The following AFG2A variants were observed in gnomAD, a reference collection of about 807,000 sequenced individuals.
The protein encoded by AFG2A is ATPase family gene 2 protein homolog A.
At chr4:123,220,623 A>AC in the AFG2A span, among the ~76,000 whole-genome samples, 1 of 151,160 alleles carries the variant, frequency 6.6e-6, no homozygotes, top group African/African-American at 2.4e-5. Flanking sequence ...CAAAAAAAAA[A>AC]AAAAAAAAAA....
chr4:123,209,859 CTG>C, the AFG2A span, among the ~76,000 whole-genome samples: 1 of 152,080 alleles, frequency 6.6e-6, no homozygotes, highest in East Asian at 1.9e-4. Context: ...CCCTTTATAA[CTG>C]TATCTCTTGT....
chr4:123,017,414 A>ATTTTTTTTTTTTTTTTTTTTTTTTTTTT, the AFG2A span, among the ~76,000 whole-genome samples: 4 of 74,732 alleles, frequency 5.4e-5, no homozygotes, highest in Non-Finnish European at 8.9e-5. Context: ...AGCATGGGAA[A>ATTTTTTTTTTTTTTTTTTTTTTTTTTTT]TTTTTTTTTT....
the AFG2A span, among the ~76,000 whole-genome samples, chr4:123,125,457 G>A: frequency 6.6e-6 from 1 of 152,060 alleles, no homozygotes. Context: ...AAAGTTAATT[G>A]TTCCATCTAG....
the AFG2A span, among the ~76,000 whole-genome samples, chr4:123,133,430 C>G: frequency 6.6e-6 from 1 of 151,938 alleles, no homozygotes; most frequent in African/African-American, 2.4e-5. Context: ...TGGTTACAGG[C>G]ATATGTGCCT....
At chr4:123,289,849 C>G in the AFG2A span, among the ~76,000 whole-genome samples, 1 of 151,922 alleles carries the variant, frequency 6.6e-6, no homozygotes, top group African/African-American at 2.4e-5. Context: ...AAATGTCCAT[C>G]TGTGTCCTTT....
At chr4:123,143,419 G>A in the AFG2A span, among the ~76,000 whole-genome samples, 22 of 151,932 alleles carry the variant, frequency 1.4e-4, no homozygotes, top group Admixed American at 3.3e-4. Flanking sequence ...GATAATTAAC[G>A]TATATCACAT....
At chr4:123,130,359 C>A in the AFG2A span, among the ~76,000 whole-genome samples, 1 of 152,124 alleles carries the variant, frequency 6.6e-6, no homozygotes, top group African/African-American at 2.4e-5. Context: ...TGGGTAACCA[C>A]CAACACAATC....
At chr4:122,927,469 T>C in the AFG2A span, among the ~76,000 whole-genome samples, 1 of 152,248 alleles carries the variant, frequency 6.6e-6, no homozygotes, top group African/African-American at 2.4e-5. Context: ...CATTTGATTT[T>C]AAATCTGTTT....
the AFG2A span, among the ~76,000 whole-genome samples, chr4:123,283,677 C>T: frequency 1.3e-5 from 2 of 152,048 alleles, no homozygotes; most frequent in African/African-American, 4.8e-5. Context: ...GAAGAAAAAT[C>T]AAAAGAAGAA....
the AFG2A span, among the ~76,000 whole-genome samples, chr4:123,062,410 C>T: frequency 2.6e-5 from 4 of 152,036 alleles, no homozygotes; most frequent in Non-Finnish European, 2.9e-5. Context: ...ATCATATTAC[C>T]AGCCTTTATT....
the AFG2A span, among the ~76,000 whole-genome samples, chr4:123,274,384 A>T: frequency 6.7e-4 from 100 of 150,118 alleles, no homozygotes; most frequent in African/African-American, 2.3e-3. Context: ...TTTTTTTTTT[A>T]AAGAAATAGT....
chr4:123,109,023 A>C, the AFG2A span, among the ~76,000 whole-genome samples: 1 of 152,174 alleles, frequency 6.6e-6, no homozygotes, highest in African/African-American at 2.4e-5. Flanking sequence ...CTGCATTTAT[A>C]AACCAGAATT....
the AFG2A span, among the ~76,000 whole-genome samples, chr4:123,277,868 G>A: frequency 5.3e-5 from 8 of 152,030 alleles, no homozygotes; most frequent in African/African-American, 1.4e-4. Flanking sequence ...TACTGGATTC[G>A]GTTTGCTAGT....
At chr4:123,037,783 C>T in the AFG2A span, among the ~76,000 whole-genome samples, 570 of 152,142 alleles carry the variant, frequency 3.7e-3, 4 homozygotes, top group African/African-American at 0.013. Flanking sequence ...TTTTTAGCAG[C>T]CAGCTTTGTC....
At chr4:123,026,386 T>C in the AFG2A span, among the ~76,000 whole-genome samples, 2 of 152,154 alleles carry the variant, frequency 1.3e-5, no homozygotes, top group African/African-American at 4.8e-5. Flanking sequence ...GCTGTACACA[T>C]TTTTAAATAA....
At chr4:122,923,636 A>C in the AFG2A span, among the ~76,000 whole-genome samples, 1,536 of 152,352 alleles carry the variant, frequency 0.01, 37 homozygotes, top group African/African-American at 0.035. Flanking sequence ...ACTAGCGAAC[A>C]TGGGATACTT....
At chr4:123,198,674 CT>C in the AFG2A span, among the ~76,000 whole-genome samples, 1 of 152,280 alleles carries the variant, frequency 6.6e-6, no homozygotes, top group South Asian at 2.1e-4. Flanking sequence ...GAAGCTAGGA[CT>C]TAATCCTAAA....
chr4:123,087,037 A>G, the AFG2A span, among the ~76,000 whole-genome samples: 34 of 152,260 alleles, frequency 2.2e-4, no homozygotes, highest in East Asian at 1.3e-3. Flanking sequence ...TGACACTTCT[A>G]GTGTTTCTGC....
chr4:123,307,153 T>G, the AFG2A span, among the ~76,000 whole-genome samples: 1 of 152,214 alleles, frequency 6.6e-6, no homozygotes, highest in Admixed American at 6.5e-5. Flanking sequence ...TCACTGAAAC[T>G]GTTCCAGACT....
Sources: gnomAD v4.1 joint callset for allele counts (sites outside exome capture counted in the v4.1 genomes callset) on GRCh38, gnomAD v4.1.1 for gene constraint, MANE v1.5 for transcripts, NCBI Gene and HGNC (gene_info 2026-07-23, HGNC 2026-07-21) for gene names.